HEMK1: variants seen among roughly 807,000 people sequenced by gnomAD.
HEMK1 encodes HemK methyltransferase 1, mitochondrial release factors N(5)-glutamine.
Under a neutral mutation model 47.9 loss-of-function variants are expected in HEMK1, and 36 were observed. The observed-to-expected ratio is 0.75, with a 90% CI of 0.58 to 0.99. The LOEUF (loss-of-function observed/expected upper bound fraction) is 0.99, where lower values mean the gene tolerates loss of function less well. Among genes scored for constraint, HEMK1 ranks in the 50% least tolerant of loss-of-function variants. The pLI is 0.00. For missense variants in HEMK1, 383 were observed against 434.5 expected (o/e 0.88, Z 1.05); for synonymous variants, 153 against 165.4 (o/e 0.93, Z 0.57).
chr3:50,573,305 C>T (rs1405438683), intron 4 of HEMK1, among the ~76,000 whole-genome samples: 2 of 152,236 alleles, frequency 1.3e-5, no homozygotes, highest in African/African-American at 2.4e-5. Context: ...TTGGCATGAC[C>T]TAGGACACAG....
In HEMK1 at chr3:50,584,150, G is replaced by A. The variant is rs1359590991; in HGVS notation, c.*3733G>A. 1.3e-5 allele frequency: 2 copies of A among 152,242 alleles called. No individual in the cohort carries two copies. Among genetic ancestry groups the A allele is most frequent in the Non-Finnish European group, 2.9e-5 (2 of 68,052 alleles). The allele number at this position is 152,242 out of a possible 1,614,324, so 9.4% of individuals were successfully genotyped here. A position where few individuals can be genotyped will look rare whatever the true frequency, so the allele number is the denominator to read the frequency against. On this transcript the variant is annotated 3_prime_UTR_variant, in exon 11 of 11. Transcript: ENST00000232854. ...GATCCCTGCGCAACAGCCACACCAG[G>A]AGAACAGGCTGTCCTTGGCGGCAGT... is the stretch of plus-strand genomic sequence containing the variant.
At chr3:50,578,579 G>T (rs913591042) in intron 7 of HEMK1, among the ~76,000 whole-genome samples, 5 of 152,230 alleles carry the variant, frequency 3.3e-5, no homozygotes, top group African/African-American at 1.2e-4. Flanking sequence ...TGCATAATAA[G>T]GAGGATTTTT....
At position 50,595,669 on chromosome 3, in the gene HEMK1, C is replaced by T. The variant is rs756204794; in HGVS notation, c.*15252C>T. The T allele has an allele frequency of 6.6e-6, 1 of 152,310 alleles. No homozygotes were observed. The highest frequency in any genetic ancestry group is 1.9e-4 in the East Asian group (1 of 5,184). 9.4% of individuals were successfully genotyped at this position (152,310 alleles called of 1,614,324 possible). On this transcript the variant is annotated 3_prime_UTR_variant, in exon 11 of 11. Transcript: ENST00000232854. ...GCAAGTGTGCAGAAATAGGAGAGAA[C>T]CATGGGGAATTGTCTCTCAATACCT... is the stretch of plus-strand genomic sequence containing the variant.
At chr3:50,574,851 A>G (rs767216351) in intron 4 of HEMK1, among the ~76,000 whole-genome samples, 5 of 152,170 alleles carry the variant, frequency 3.3e-5, no homozygotes, top group Non-Finnish European at 7.4e-5. Flanking sequence ...GGTGCAGAAG[A>G]GGCTTGGAAC....
chr3:50,578,257 C>A (rs2030114884), intron 7 of HEMK1, among the ~76,000 whole-genome samples: 1 of 152,262 alleles, frequency 6.6e-6, no homozygotes, highest in African/African-American at 2.4e-5. Flanking sequence ...GGTCCAGGCA[C>A]TGCACAGCTC....
chr3:50,571,590 C>A lies in HEMK1; in HGVS notation c.229-120C>A, dbSNP rs1700965404. 1.5e-5 allele frequency: 14 copies of A among 948,850 alleles called. No homozygotes were observed. The South Asian group carries it at 1.9e-4, about 13-fold the overall frequency. 58.8% of individuals were successfully genotyped at this position (948,850 alleles called of 1,614,324 possible). On this transcript the variant is annotated intron_variant, in intron 2 of 10. Coordinates refer to ENST00000232854, the MANE Select transcript of HEMK1 (RefSeq NM_016173.5). ...AGGCAGGATGCTGCCCCCTCTGGGCCCAGATGATGAGAGGGTTGGGCCTCC... is the reference window on the plus strand; with the variant it reads ...AGGCAGGATGCTGCCCCCTCTGGGCACAGATGATGAGAGGGTTGGGCCTCC...
intron 2 of HEMK1, 146 bp from the exon 3 acceptor site, chr3:50,571,564 T>G: frequency 1.2e-6 from 1 of 806,930 alleles, no homozygotes; most frequent in Non-Finnish European, 2.1e-6. Context: ...TGTGTAACCT[T>G]AGGCAGGATG....
intron 4 of HEMK1, among the ~76,000 whole-genome samples, chr3:50,574,996 G>A (rs1042030213): frequency 2.6e-5 from 4 of 152,186 alleles, no homozygotes; most frequent in Non-Finnish European, 5.9e-5. Context: ...GGGAACTTAT[G>A]TGGAAAATGG....
In HEMK1 at chr3:50,571,254, G is replaced by T; in HGVS notation, c.150G>T (p.Gly50=). The change falls in exon 2 of 11, where the codon GGG becomes GGT. Residue 50 remains glycine, a synonymous_variant. Transcript: ENST00000232854. ...TAGAACTGGTCAGCCACTGGACTGGGGTCTTTGAGAAGAGGGGTATCCCTG... is the reference window on the plus strand; with the variant it reads ...TAGAACTGGTCAGCCACTGGACTGGTGTCTTTGAGAAGAGGGGTATCCCTG... ...SAIELVSHWT[G]VFEKRGIPEA... 2 of 1,613,620 alleles carry T rather than the reference G, an allele frequency of 1.2e-6. No homozygotes were observed. The highest frequency in any genetic ancestry group is 2.7e-5 in the African/African-American group (2 of 75,040).
Position 50,595,662 on chromosome 3 carries a change from G to T in HEMK1, c.*15245G>T, listed in dbSNP as rs951025313. On this transcript the variant is annotated 3_prime_UTR_variant, in exon 11 of 11. Transcript: ENST00000232854. ...TCTACTGGCAAGTGTGCAGAAATAG[G>T]AGAGAACCATGGGGAATTGTCTCTC... The T allele has an allele frequency of 2.0e-5, 3 of 152,172 alleles. No individual in the cohort carries two copies. The highest frequency in any genetic ancestry group is 7.2e-5 in the African/African-American group (3 of 41,420). 9.4% of individuals were successfully genotyped at this position (152,172 alleles called of 1,614,324 possible). A position where few individuals can be genotyped will look rare whatever the true frequency, so the allele number is the denominator to read the frequency against.
At position 50,586,950 on chromosome 3, in the gene HEMK1, A is replaced by ATTT; in HGVS notation, c.*6546_*6548dup. 6.9e-6 allele frequency: 1 copy of ATTT among 144,514 alleles called. No homozygotes were observed. Among genetic ancestry groups the ATTT allele is most frequent in the Non-Finnish European group, 1.5e-5 (1 of 65,580 alleles). The allele number at this position is 144,514 out of a possible 1,614,324, so 9.0% of individuals were successfully genotyped here. ...AACAACCCTGCCTGGCTAATTTTTA[A>ATTT]TTTTTTTTTTTTTTTAGAAACGGGG... On this transcript the variant is annotated 3_prime_UTR_variant, in exon 11 of 11. Coordinates refer to ENST00000232854, the MANE Select transcript of HEMK1 (RefSeq NM_016173.5).
In HEMK1 at chr3:50,586,203, C is replaced by T. The variant is rs560336115; in HGVS notation, c.*5786C>T. The stretch of plus-strand genomic sequence containing the variant: ...GCCCTCCTGAGGTGTCTGGAAGGAC[C>T]TTTGGGATCTTTGGCCTCATAACCA... On this transcript the variant is annotated 3_prime_UTR_variant, in exon 11 of 11. Coordinates refer to ENST00000232854, the MANE Select transcript of HEMK1 (RefSeq NM_016173.5). 3.9e-5 allele frequency: 6 copies of T among 152,394 alleles called. No homozygotes were observed. In the East Asian group the frequency reaches 9.6e-4, roughly 24 times the overall value. 9.4% of individuals were successfully genotyped at this position (152,394 alleles called of 1,614,324 possible). A position where few individuals can be genotyped will look rare whatever the true frequency, so the allele number is the denominator to read the frequency against.
Position 50,590,051 on chromosome 3 carries a change from G to C in HEMK1, c.*9634G>C, listed in dbSNP as rs966124604. ...AATACAAAAATTAGCTGGGTGTGGT[G>C]GTGGACACCTGTAATCCCAGCTACT... is the stretch of plus-strand genomic sequence containing the variant. On this transcript the variant is annotated 3_prime_UTR_variant, in exon 11 of 11. Coordinates refer to ENST00000232854, the MANE Select transcript of HEMK1 (RefSeq NM_016173.5). 1 of 151,514 alleles carries C rather than the reference G, an allele frequency of 6.6e-6. No individual in the cohort carries two copies. The highest frequency in any genetic ancestry group is 2.4e-5 in the African/African-American group (1 of 41,150). The allele number at this position is 151,514 out of a possible 1,614,324, so 9.4% of individuals were successfully genotyped here.
Position 50,580,383 on chromosome 3 carries a change from C to A in HEMK1, c.983C>A (p.Pro328His). ...VAVRRDFCGR[P>H]RFLHIRRSGP ...AGCCCCTGTCCCTGTCTCCTCAGGC[C>A]CCGGTTCCTGCATATCCGGAGGTCT... is the stretch of plus-strand genomic sequence containing the variant. Residue 328 changes from proline (P) to histidine (H), a missense_variant and splice_region_variant, in exon 11 of 11, where the codon CCC (proline) becomes CAC (histidine). Transcript: ENST00000232854. The A allele has an allele frequency of 6.2e-7, 1 of 1,614,166 alleles. No individual in the cohort carries two copies. The highest frequency in any genetic ancestry group is 1.1e-5 in the South Asian group (1 of 91,078).
rs2031035291 is a variant in HEMK1, at chr3:50,583,340, T to A, written c.*2923T>A. On this transcript the variant is annotated 3_prime_UTR_variant, in exon 11 of 11. Coordinates refer to ENST00000232854, the MANE Select transcript of HEMK1 (RefSeq NM_016173.5). ...TGCTCCTTTACCCCCACCTGGACCC[T>A]GGGCTATTGGCTGCTCCCAATCCTT... 1 of 152,250 alleles carries A rather than the reference T, an allele frequency of 6.6e-6. No individual in the cohort carries two copies. Among genetic ancestry groups the A allele is most frequent in the South Asian group, 2.1e-4 (1 of 4,826 alleles). 9.4% of individuals were successfully genotyped at this position (152,250 alleles called of 1,614,324 possible). A position where few individuals can be genotyped will look rare whatever the true frequency, so the allele number is the denominator to read the frequency against.
chr3:50,593,000 G>GTGT lies in HEMK1; in HGVS notation c.*12584_*12585insGTT, dbSNP rs2031802273. On this transcript the variant is annotated 3_prime_UTR_variant, in exon 11 of 11. Coordinates refer to ENST00000232854, the MANE Select transcript of HEMK1 (RefSeq NM_016173.5). ...CAGACAAATTGTAGAGGAGCCTCAG[G>GTGT]TCTTTGGGGTGTTGCCCCTCCACTA... 1.3e-5 allele frequency: 2 copies of GTGT among 152,282 alleles called. No individual in the cohort carries two copies. The highest frequency in any genetic ancestry group is 2.9e-5 in the Non-Finnish European group (2 of 68,090). The allele number at this position is 152,282 out of a possible 1,614,324, so 9.4% of individuals were successfully genotyped here. A position where few individuals can be genotyped will look rare whatever the true frequency, so the allele number is the denominator to read the frequency against.
intron 7 of HEMK1, among the ~76,000 whole-genome samples, chr3:50,578,451 C>G (rs565119466): frequency 6.6e-6 from 1 of 152,246 alleles, no homozygotes; most frequent in East Asian, 1.9e-4. Flanking sequence ...CAGGCCTACC[C>G]TCCATGTACT....
chr3:50,575,383 A>T (rs572727754), intron 4 of HEMK1, among the ~76,000 whole-genome samples: 1 of 151,928 alleles, frequency 6.6e-6, no homozygotes, highest in African/African-American at 2.4e-5. Context: ...AGATCGCGCC[A>T]TTGTACTCCA....
Position 50,580,744 on chromosome 3 carries a change from G to T in HEMK1, c.*327G>T, listed in dbSNP as rs1235836289. The T allele has an allele frequency of 2.0e-5, 8 of 404,348 alleles. No homozygotes were observed. The highest frequency in any genetic ancestry group is 1.6e-4 in the East Asian group (3 of 19,042). The allele number at this position is 404,348 out of a possible 1,614,324, so 25.0% of individuals were successfully genotyped here. A position where few individuals can be genotyped will look rare whatever the true frequency, so the allele number is the denominator to read the frequency against. ...CCCCTTACTCCCAGGTAGCACTGGG[G>T]CAAGGGTTTCCTTCTGCCCCAGCAG... On this transcript the variant is annotated 3_prime_UTR_variant, in exon 11 of 11. Transcript: ENST00000232854.
Sources: allele counts gnomAD v4.1 joint callset (sites outside exome capture counted in the v4.1 genomes callset), GRCh38; gene constraint gnomAD v4.1.1; transcripts MANE v1.5; gene names NCBI Gene and HGNC (gene_info 2026-07-23, HGNC 2026-07-21).